The following KCNMA1 variants were observed in gnomAD, a reference collection of about 807,000 sequenced individuals.
The protein encoded by KCNMA1 is Calcium-activated potassium channel subunit alpha-1.
KCNMA1 carries 29 observed loss-of-function variants against 140.0 expected under a neutral mutation model. The ratio of observed to expected loss-of-function variants is 0.21; its 90% CI spans 0.15 to 0.28. The LOEUF is 0.28. KCNMA1 is among the 10% of genes least tolerant of loss of function. KCNMA1 has a pLI of 1.00. For synonymous variants in KCNMA1, 612 were observed against 611.9 expected, an observed-to-expected ratio of 1.00 and a Z score of 0.00; for missense variants, 880 against 1,602.2, an observed-to-expected ratio of 0.55 and a Z score of 7.70.
chr10:77,618,736 C>T (rs372880586), intron 1 of KCNMA1, among the ~76,000 whole-genome samples: 87 of 152,332 alleles, frequency 5.7e-4, no homozygotes, highest in African/African-American at 2.0e-3. Flanking sequence ...ACCCTATGTT[C>T]TGTGACATCA....
At chr10:77,026,181 G>A (rs1215348018) in intron 16 of KCNMA1, among the ~76,000 whole-genome samples, 6 of 151,960 alleles carry the variant, frequency 3.9e-5, no homozygotes, top group Non-Finnish European at 8.8e-5. Flanking sequence ...ACAGCCTTTC[G>A]CTCTTTTTCT....
chr10:77,330,038 C>A (rs932521237), intron 2 of KCNMA1, among the ~76,000 whole-genome samples: 1 of 152,136 alleles, frequency 6.6e-6, no homozygotes, highest in African/African-American at 2.4e-5. Flanking sequence ...TTAGACGTAA[C>A]CACATATTGG....
intron 1 of KCNMA1, among the ~76,000 whole-genome samples, chr10:77,579,554 C>T (rs2075255294): frequency 1.3e-5 from 2 of 151,762 alleles, no homozygotes; most frequent in African/African-American, 4.8e-5. Context: ...TTTTTTTCAA[C>T]CATTTAAAGA....
At chr10:77,366,113 T>TCTTTCTTTTG (rs1228150004) in intron 2 of KCNMA1, among the ~76,000 whole-genome samples, 2 of 109,558 alleles carry the variant, frequency 1.8e-5, no homozygotes, top group African/African-American at 3.9e-5. Context: ...GTTCTTTCTT[T>TCTTTCTTTTG]CTTTCTTTTT....
chr10:77,114,799 G>T (rs2097415279), intron 6 of KCNMA1, among the ~76,000 whole-genome samples: 1 of 152,138 alleles, frequency 6.6e-6, no homozygotes, highest in African/African-American at 2.4e-5. Context: ...TGTGTTCCTT[G>T]CTGCATCTTG....
chr10:77,335,613 C>A (rs1434207559), intron 2 of KCNMA1, among the ~76,000 whole-genome samples: 4 of 152,160 alleles, frequency 2.6e-5, no homozygotes, highest in African/African-American at 7.2e-5. Flanking sequence ...AACTGCTGGG[C>A]TGGGGTGCAG....
intron 2 of KCNMA1, among the ~76,000 whole-genome samples, chr10:77,280,077 TTCC>T (rs1168678651): frequency 6.6e-6 from 1 of 152,176 alleles, no homozygotes; most frequent in African/African-American, 2.4e-5. Flanking sequence ...TTCCAGATCC[TTCC>T]TCCTCTAATA....
At chr10:77,062,159 T>C (rs976514123) in intron 14 of KCNMA1, among the ~76,000 whole-genome samples, 2 of 152,214 alleles carry the variant, frequency 1.3e-5, no homozygotes, top group African/African-American at 4.8e-5. Context: ...TGGAAAACTA[T>C]AATCATTTCC....
chr10:77,433,458 A>G (rs1196033092), intron 1 of KCNMA1: 1 of 152,154 alleles, frequency 6.6e-6, no homozygotes, highest in East Asian at 1.9e-4. Context: ...CAGCCTTAAG[A>G]AAAACTATTT....
At chr10:76,904,466 A>T (rs1406228117) in intron 25 of KCNMA1, 1 of 152,162 alleles carries the variant, frequency 6.6e-6, no homozygotes, top group Non-Finnish European at 1.5e-5. Flanking sequence ...CACTAGCAAA[A>T]GGGGCCTCTG....
chr10:76,879,757 C>T (rs1161193682), intron 29 of KCNMA1, among the ~76,000 whole-genome samples: 1 of 152,168 alleles, frequency 6.6e-6, no homozygotes, highest in Admixed American at 6.5e-5. Flanking sequence ...CCATTTAGTT[C>T]AAGTGTGACA....
intron 16 of KCNMA1, among the ~76,000 whole-genome samples, chr10:77,021,805 A>C (rs1036164186): frequency 1.1e-4 from 16 of 152,348 alleles, no homozygotes; most frequent in African/African-American, 3.8e-4. Context: ...GCTAAGGCTA[A>C]GGCAGCCTTC....
chr10:77,427,788 CA>C, intron 1 of KCNMA1, among the ~76,000 whole-genome samples: 1 of 151,778 alleles, frequency 6.6e-6, no homozygotes, highest in East Asian at 1.9e-4. Flanking sequence ...CTCGCTCTGT[CA>C]CCCAGGCTGG....
At chr10:76,962,919 T>A (rs760048577) in intron 20 of KCNMA1, among the ~76,000 whole-genome samples, 1 of 152,206 alleles carries the variant, frequency 6.6e-6, no homozygotes, top group Non-Finnish European at 1.5e-5. Context: ...TGCAACAATT[T>A]GTTTTTGAAC....
chr10:77,323,973 G>A (rs1320847697), intron 2 of KCNMA1, among the ~76,000 whole-genome samples: 2 of 152,204 alleles, frequency 1.3e-5, no homozygotes, highest in East Asian at 1.9e-4. Flanking sequence ...ATGATCCTGA[G>A]GTCGGTATGC....
chr10:77,376,793 C>T (rs983731617), intron 2 of KCNMA1, among the ~76,000 whole-genome samples: 1 of 151,900 alleles, frequency 6.6e-6, no homozygotes, highest in African/African-American at 2.4e-5. Flanking sequence ...CAAAAATTAG[C>T]CAGGAGTCGT....
intron 23 of KCNMA1, among the ~76,000 whole-genome samples, chr10:76,937,775 T>C (rs758882473): frequency 6.6e-6 from 1 of 152,184 alleles, no homozygotes; most frequent in Non-Finnish European, 1.5e-5. Flanking sequence ...AAGAAAAATG[T>C]CATTCCCTAC....
At chr10:77,038,183 G>A (rs1178870801) in intron 15 of KCNMA1, among the ~76,000 whole-genome samples, 3 of 152,098 alleles carry the variant, frequency 2.0e-5, no homozygotes, top group Non-Finnish European at 4.4e-5. Flanking sequence ...AGGTAAACAC[G>A]AAGCCACCAA....
At chr10:77,351,926 T>C (rs1397121787) in intron 2 of KCNMA1, among the ~76,000 whole-genome samples, 2 of 152,218 alleles carry the variant, frequency 1.3e-5, no homozygotes, top group African/African-American at 2.4e-5. Flanking sequence ...TCAAGTAGAC[T>C]GGCTCACCAA....
Sources: gnomAD v4.1 joint callset for allele counts (sites outside exome capture counted in the v4.1 genomes callset) on GRCh38, gnomAD v4.1.1 for gene constraint, MANE v1.5 for transcripts, NCBI Gene and HGNC (gene_info 2026-07-23, HGNC 2026-07-21) for gene names.